Variants in PPIL3 observed in about 807,000 individuals in gnomAD.
PPIL3 encodes peptidylprolyl isomerase like 3.
PPIL3 carries 13 observed loss-of-function variants against 20.9 expected under a neutral mutation model. That is an observed-to-expected ratio of 0.62 (90% CI 0.40 to 0.99). PPIL3 has a LOEUF of 0.99. Ranked by LOEUF, PPIL3 falls within the 50% of genes least tolerant of loss-of-function variation. The probability of loss-of-function intolerance (pLI) is 0.00; values close to 1 mark genes in which losing one functional copy is unlikely to be tolerated. For missense variants in PPIL3, 170 were observed against 195.2 expected, an observed-to-expected ratio of 0.87 and a Z score of 0.77; for synonymous variants, 71 against 64.4, an observed-to-expected ratio of 1.10 and a Z score of -0.49.
At chr2:200,887,336 G>A (rs1272558324) in intron 2 of PPIL3, among the ~76,000 whole-genome samples, 3 of 122,002 alleles carry the variant, frequency 2.5e-5, no homozygotes, top group African/African-American at 9.6e-5. Context: ...AGTGAGCCGA[G>A]ATTACACCAC....
chr2:200,885,870 A>G lies in PPIL3; in HGVS notation c.4-98T>C, dbSNP rs541153260. On this transcript the variant is annotated intron_variant, in intron 2 of 6. Coordinates refer to ENST00000392283, the MANE Select transcript of PPIL3 (RefSeq NM_130906.3). ...GTGGATATTCAAGATGATAATCTGA[A>G]TAAAAACAGACAGAAATACTGCTTC... 4.7e-5 allele frequency: 33 copies of G among 695,322 alleles called. No individual in the cohort carries two copies. In the East Asian group the frequency reaches 8.9e-4, roughly 19 times the overall value. The allele number at this position is 695,322 out of a possible 1,614,324, so 43.1% of individuals were successfully genotyped here. A position where few individuals can be genotyped will look rare whatever the true frequency, so the allele number is the denominator to read the frequency against.
At chr2:200,883,719 T>C (rs566177901) in intron 3 of PPIL3, among the ~76,000 whole-genome samples, 3 of 152,348 alleles carry the variant, frequency 2.0e-5, no homozygotes, top group South Asian at 4.1e-4. Context: ...TGCTCATCAC[T>C]GTATCTCCAG....
chr2:200,881,389 A>G (rs768310188), intron 5 of PPIL3, 32 bp downstream of exon 5: 3 of 1,554,158 alleles, frequency 1.9e-6, no homozygotes, highest in Admixed American at 1.8e-5. Flanking sequence ...CCAAGGCATG[A>G]GAAATAGATT....
At chr2:200,879,330 A>C (rs1009697714) in intron 5 of PPIL3, among the ~76,000 whole-genome samples, 2 of 152,034 alleles carry the variant, frequency 1.3e-5, no homozygotes, top group African/African-American at 4.8e-5. Context: ...TGTGTTAGCC[A>C]GCATGGTCTT....
Position 200,877,038 on chromosome 2 carries a change from C to T in PPIL3, c.241-1G>A. 6.4e-7 allele frequency: 1 copy of T among 1,560,940 alleles called. No individual in the cohort carries two copies. The highest frequency in any genetic ancestry group is 1.4e-5 in the African/African-American group (1 of 73,812). ...TAGATACAACACCTCTAACATTGTG[C>T]TGAAAAAGACACATCAAAGTATTAA... is the stretch of plus-strand genomic sequence containing the variant. On this transcript the variant is annotated splice_acceptor_variant, in intron 5 of 6. Transcript: ENST00000392283. LOFTEE classifies it high-confidence loss of function.
intron 1 of PPIL3, 148 bp from the exon 2 acceptor site, chr2:200,887,833 G>T (rs999246400): frequency 2.4e-5 from 9 of 373,922 alleles, no homozygotes; most frequent in Non-Finnish European, 4.3e-5. Context: ...GAGGCGGGTG[G>T]ATCACTTGAG....
intron 5 of PPIL3, among the ~76,000 whole-genome samples, chr2:200,879,138 A>T (rs185090485): frequency 0.011 from 1,665 of 149,582 alleles, 25 homozygotes; most frequent in African/African-American, 0.039. Context: ...TTTTTTTTTT[A>T]GACGGAGTCT....
intron 4 of PPIL3, 104 bp from the exon 5 acceptor site, chr2:200,881,592 T>C (rs1453719089): frequency 2.2e-6 from 2 of 900,926 alleles, no homozygotes; most frequent in Non-Finnish European, 3.3e-6. Flanking sequence ...TGCTTAAATA[T>C]AGATAAAATT....
At chr2:200,883,412 T>C (rs951962437) in intron 3 of PPIL3, among the ~76,000 whole-genome samples, 1 of 152,094 alleles carries the variant, frequency 6.6e-6, no homozygotes, top group Non-Finnish European at 1.5e-5. Context: ...TCCTTTCCCA[T>C]TATTCTCTAT....
At chr2:200,877,062 A>C in intron 5 of PPIL3, 25 bp from the exon 6 acceptor site, 1 of 1,437,606 alleles carries the variant, frequency 7.0e-7, no homozygotes, top group Non-Finnish European at 9.8e-7. Context: ...TCAAAGTATT[A>C]ACTGTGTTTT....
chr2:200,882,910 A>C (rs554517885), intron 3 of PPIL3, among the ~76,000 whole-genome samples: 30 of 151,040 alleles, frequency 2.0e-4, no homozygotes, highest in African/African-American at 7.0e-4. Context: ...AAAAAAAAAA[A>C]CAACCAAAAA....
intron 6 of PPIL3, among the ~76,000 whole-genome samples, chr2:200,876,569 G>A (rs568548513): frequency 6.7e-6 from 1 of 149,502 alleles, no homozygotes; most frequent in East Asian, 2.0e-4. Flanking sequence ...CCAGGCTGGA[G>A]TGCAATGGCA....
chr2:200,881,771 A>C, intron 4 of PPIL3: 1 of 411,888 alleles, frequency 2.4e-6, no homozygotes, highest in Non-Finnish European at 4.4e-6. Flanking sequence ...GGCCACACTA[A>C]TCTTCTCTGT....
intron 6 of PPIL3, among the ~76,000 whole-genome samples, chr2:200,873,730 T>C (rs1322072712): frequency 6.6e-6 from 1 of 151,240 alleles, no homozygotes; most frequent in Admixed American, 6.6e-5. Context: ...CCTCCCAAAG[T>C]GCTAGGATTA....
intron 3 of PPIL3, among the ~76,000 whole-genome samples, 188 bp from the exon 4 acceptor site, chr2:200,882,623 T>A (rs1363170757): frequency 6.6e-6 from 1 of 152,048 alleles, no homozygotes; most frequent in Non-Finnish European, 1.5e-5. Flanking sequence ...AAATACAAAA[T>A]CTTTCGCCGG....
chr2:200,880,325 A>T (rs895557850), intron 5 of PPIL3, among the ~76,000 whole-genome samples: 1 of 151,994 alleles, frequency 6.6e-6, no homozygotes, highest in East Asian at 1.9e-4. Context: ...ACTGCAATGA[A>T]TTTTTTTCAG....
intron 6 of PPIL3, 118 bp from the exon 7 acceptor site, chr2:200,871,639 C>T: frequency 1.2e-6 from 1 of 844,986 alleles, no homozygotes; most frequent in East Asian, 2.7e-5. Context: ...TCTGAGTTCT[C>T]TAGTTGAATG....
At chr2:200,887,370 A>T (rs1253651717) in intron 2 of PPIL3, among the ~76,000 whole-genome samples, 6 of 137,060 alleles carry the variant, frequency 4.4e-5, no homozygotes, top group African/African-American at 1.7e-4. Context: ...GGGAGACAAG[A>T]GTGAAACTCA....
intron 6 of PPIL3, among the ~76,000 whole-genome samples, chr2:200,874,589 T>G (rs2039444792): frequency 6.6e-6 from 1 of 152,170 alleles, no homozygotes; most frequent in African/African-American, 2.4e-5. Flanking sequence ...ACTCTACAGT[T>G]TTGTCGCAAA....
Sources: allele counts gnomAD v4.1 joint callset (sites outside exome capture counted in the v4.1 genomes callset), GRCh38; gene constraint gnomAD v4.1.1; transcripts MANE v1.5; gene names NCBI Gene and HGNC (gene_info 2026-07-23, HGNC 2026-07-21).